Variants in LYSET observed in about 807,000 individuals in gnomAD.
The protein encoded by LYSET is lysosomal enzyme trafficking factor.
At chr14:93,187,849 A>G in the LYSET span, among the ~76,000 whole-genome samples, 1 of 151,438 alleles carries the variant, frequency 6.6e-6, no homozygotes, top group Non-Finnish European at 1.5e-5. Context: ...GGGTTGCAGC[A>G]TGTTGGCCAG....
the LYSET span, among the ~76,000 whole-genome samples, chr14:93,185,840 A>G: frequency 6.6e-6 from 1 of 150,634 alleles, no homozygotes; most frequent in African/African-American, 2.4e-5. Flanking sequence ...TTTAAATCTT[A>G]AGTGTGTTAG....
chr14:93,186,372 A>G, the LYSET span: 1 of 1,614,164 alleles, frequency 6.2e-7, no homozygotes, highest in Non-Finnish European at 8.5e-7. Flanking sequence ...AATCAGTGAG[A>G]CTTACAACAG....
chr14:93,187,453 A>G, the LYSET span, among the ~76,000 whole-genome samples: 3 of 151,596 alleles, frequency 2.0e-5, no homozygotes, highest in Admixed American at 1.3e-4. Context: ...TTTTTTTTCC[A>G]TGACTTGTGA....
At chr14:93,186,533 A>T in the LYSET span, 1 of 1,614,226 alleles carries the variant, frequency 6.2e-7, no homozygotes, top group Non-Finnish European at 8.5e-7. Flanking sequence ...TTTTGTTCCT[A>T]TACTCTTGTA....
the LYSET span, chr14:93,186,666 A>C: frequency 6.3e-7 from 1 of 1,587,932 alleles, no homozygotes; most frequent in Non-Finnish European, 8.6e-7. Flanking sequence ...ACTGATTGAC[A>C]CGTAAAATCA....
the LYSET span, chr14:93,185,117 A>AGGCCC: frequency 1.3e-5 from 2 of 150,384 alleles, no homozygotes; most frequent in Admixed American, 1.3e-4. Context: ...CAAGGCGGCG[A>AGGCCC]GGCCCGGGCC....
the LYSET span, among the ~76,000 whole-genome samples, chr14:93,186,090 C>CT: frequency 2.0e-5 from 3 of 151,946 alleles, no homozygotes; most frequent in Non-Finnish European, 2.9e-5. Flanking sequence ...AGGATGGTCT[C>CT]TATCACCTGA....
the LYSET span, chr14:93,185,454 G>T: frequency 6.2e-7 from 1 of 1,613,544 alleles, no homozygotes. Context: ...TTTAACGCTT[G>T]CCGTGGGAAC....
At chr14:93,186,214 G>GGAATTCTTGGAGAT in the LYSET span, 5 of 1,546,232 alleles carry the variant, frequency 3.2e-6, no homozygotes, top group Non-Finnish European at 3.5e-6. Flanking sequence ...TAGTTGCCGT[G>GGAATTCTTGGAGAT]ACAGCATTAC....
chr14:93,186,507 C>T, the LYSET span: 4 of 1,614,188 alleles, frequency 2.5e-6, no homozygotes, highest in Non-Finnish European at 3.4e-6. Flanking sequence ...TTTTCTGGTA[C>T]CTTACTTACA....
the LYSET span, among the ~76,000 whole-genome samples, chr14:93,187,488 C>G: frequency 2.0e-5 from 3 of 152,000 alleles, no homozygotes; most frequent in East Asian, 1.9e-4. Flanking sequence ...GCCCTGAGAA[C>G]GTACGCTCCA....
chr14:93,188,408 C>T, the LYSET span, among the ~76,000 whole-genome samples: 8 of 148,668 alleles, frequency 5.4e-5, no homozygotes, highest in African/African-American at 1.5e-4. Flanking sequence ...TGTACCTTCT[C>T]CTTTGCATTT....
the LYSET span, chr14:93,186,642 A>G: frequency 3.1e-6 from 5 of 1,610,582 alleles, no homozygotes; most frequent in Middle Eastern, 1.7e-4. Flanking sequence ...TTCTAATCAG[A>G]TCAGCAGACT....
the LYSET span, chr14:93,185,234 G>T: frequency 4.6e-6 from 2 of 437,040 alleles, no homozygotes; most frequent in Non-Finnish European, 7.9e-6. Context: ...TCCCTGCCGG[G>T]TCAGGTTCTC....
the LYSET span, chr14:93,185,509 T>G: frequency 4.4e-6 from 7 of 1,596,728 alleles, 1 homozygote; most frequent in South Asian, 5.6e-5. Flanking sequence ...AGTTACTGTC[T>G]TAACTTGGGG....
At chr14:93,185,839 TAA>T in the LYSET span, among the ~76,000 whole-genome samples, 1 of 151,636 alleles carries the variant, frequency 6.6e-6, no homozygotes, top group Non-Finnish European at 1.5e-5. Flanking sequence ...TTTTAAATCT[TAA>T]GTGTGTTAGT....
chr14:93,186,365 C>G, the LYSET span: 3 of 1,614,208 alleles, frequency 1.9e-6, no homozygotes, highest in Non-Finnish European at 2.5e-6. Flanking sequence ...TTTTTGAAAT[C>G]AGTGAGACTT....
the LYSET span, chr14:93,186,992 A>G: frequency 3.6e-6 from 1 of 281,630 alleles, no homozygotes. Flanking sequence ...TGATTCAGAA[A>G]TTTTTCCTTT....
chr14:93,186,492 G>C, the LYSET span: 2 of 1,614,192 alleles, frequency 1.2e-6, no homozygotes. Flanking sequence ...GGTGTGGACA[G>C]TTATTTTTCT....
Sources: allele counts gnomAD v4.1 joint callset (sites outside exome capture counted in the v4.1 genomes callset), GRCh38; gene constraint gnomAD v4.1.1; transcripts MANE v1.5; gene names NCBI Gene and HGNC (gene_info 2026-07-23, HGNC 2026-07-21).